The following ETV1 variants were observed in gnomAD, a reference collection of about 807,000 sequenced individuals.
ETV1 encodes ETS variant transcription factor 1, also known as ETS translocation variant 1.
A neutral mutation model predicts 62.3 loss-of-function variants in ETV1; 27 were observed. The ratio of observed to expected loss-of-function variants is 0.43; its 90% CI spans 0.32 to 0.60. ETV1 has a LOEUF of 0.60. Ranked by LOEUF, ETV1 falls within the 20% of genes least tolerant of loss-of-function variation. ETV1 has a pLI of 0.06. For synonymous variants in ETV1, 222 were observed against 199.6 expected (o/e 1.11, Z -0.94); for missense variants, 605 against 605.8 (o/e 1.00, Z 0.01).
At chr7:13,938,015 G>A (rs534879346) in intron 7 of ETV1, among the ~76,000 whole-genome samples, 6 of 152,212 alleles carry the variant, frequency 3.9e-5, no homozygotes, top group Admixed American at 1.3e-4. Flanking sequence ...GCGCGATCTC[G>A]GCTCACAGCA....
chr7:13,978,267 G>T (rs923149838), intron 5 of ETV1, among the ~76,000 whole-genome samples: 1 of 152,118 alleles, frequency 6.6e-6, no homozygotes, highest in South Asian at 2.1e-4. Flanking sequence ...AATGCATTTG[G>T]CAGCAATCAA....
chr7:13,911,143 C>G, intron 10 of ETV1, 96 bp downstream of exon 10: 1 of 832,072 alleles, frequency 1.2e-6, no homozygotes, highest in South Asian at 1.6e-5. Flanking sequence ...ATGATTTTTC[C>G]CAAATAATAT....
At chr7:13,959,124 G>A (rs1002322627) in intron 6 of ETV1, 6 of 149,520 alleles carry the variant, frequency 4.0e-5, no homozygotes, top group South Asian at 2.1e-4. Context: ...TTTTTTAATC[G>A]TTAATACAAT....
Position 13,891,853 on chromosome 7 carries a change from T to C in ETV1, c.*4013A>G, listed in dbSNP as rs1027299349. 4.3e-6 allele frequency: 1 copy of C among 231,584 alleles called. No individual in the cohort carries two copies. The highest frequency in any genetic ancestry group is 8.5e-6 in the Non-Finnish European group (1 of 117,072). 14.3% of individuals were successfully genotyped at this position (231,584 alleles called of 1,614,324 possible). A position where few individuals can be genotyped will look rare whatever the true frequency, so the allele number is the denominator to read the frequency against. ...ACCAAATCGCAAATGGAAAATAGCT[T>C]ACTCACTTCTTATTTTTAAATTTTA... On this transcript the variant is annotated 3_prime_UTR_variant, in exon 14 of 14. Transcript: ENST00000430479.
intron 9 of ETV1, among the ~76,000 whole-genome samples, chr7:13,926,878 A>G (rs1014635479): frequency 7.9e-5 from 12 of 151,982 alleles, no homozygotes; most frequent in Non-Finnish European, 1.6e-4. Context: ...AAAAATTTAT[A>G]CTCTACTAAC....
intron 6 of ETV1, among the ~76,000 whole-genome samples, chr7:13,971,568 T>A (rs1437732252): frequency 1.3e-5 from 2 of 152,158 alleles, no homozygotes; most frequent in African/African-American, 2.4e-5. Flanking sequence ...TTACTGAGTG[T>A]AAGACAAAGC....
chr7:13,910,228 C>CTTTTTT (rs58867942), intron 10 of ETV1, among the ~76,000 whole-genome samples: 51 of 120,242 alleles, frequency 4.2e-4, no homozygotes, highest in African/African-American at 1.4e-3. Flanking sequence ...AAAAGTTTCC[C>CTTTTTT]TTTTTTTTTT....
At chr7:13,957,234 C>T (rs193188654) in intron 6 of ETV1, among the ~76,000 whole-genome samples, 4,630 of 151,940 alleles carry the variant, frequency 0.03, 101 homozygotes, top group Non-Finnish European at 0.037. Context: ...TACAGGCGGC[C>T]GCCACCATGC....
chr7:13,929,520 C>T (rs1259063642), intron 9 of ETV1, among the ~76,000 whole-genome samples: 5 of 152,164 alleles, frequency 3.3e-5, no homozygotes, highest in Non-Finnish European at 7.3e-5. Flanking sequence ...GATCCTGACA[C>T]ACCCCACTTT....
chr7:13,953,200 G>T (rs905050527), intron 6 of ETV1, among the ~76,000 whole-genome samples: 6 of 152,156 alleles, frequency 3.9e-5, no homozygotes, highest in African/African-American at 1.2e-4. Context: ...ACCTGAACAA[G>T]CTGGAGCTAT....
intron 11 of ETV1, chr7:13,907,857 C>G (rs1383222896): frequency 2.1e-6 from 1 of 470,142 alleles, no homozygotes; most frequent in Non-Finnish European, 4.4e-6. Flanking sequence ...TTTGAAAAAC[C>G]TAAACCAAAA....
rs1055145864 is a variant in ETV1, at chr7:13,891,421, T to C, written c.*4445A>G. ...AAAGTAACTAATACTGGAGTCTATA[T>C]GCAAAAAAGACCCTACCTTACATAT... On this transcript the variant is annotated 3_prime_UTR_variant, in exon 14 of 14. Coordinates refer to ENST00000430479, the MANE Select transcript of ETV1 (RefSeq NM_004956.5). 4.3e-6 allele frequency: 1 copy of C among 231,568 alleles called. No homozygotes were observed. The allele number at this position is 231,568 out of a possible 1,614,324, so 14.3% of individuals were successfully genotyped here. A position where few individuals can be genotyped will look rare whatever the true frequency, so the allele number is the denominator to read the frequency against.
intron 11 of ETV1, among the ~76,000 whole-genome samples, chr7:13,908,211 T>G (rs956195685): frequency 3.9e-5 from 6 of 152,148 alleles, no homozygotes; most frequent in Non-Finnish European, 7.4e-5. Flanking sequence ...AATGTTTTAT[T>G]AGTGTAAAAT....
At chr7:13,948,475 C>T (rs1217846272) in intron 6 of ETV1, among the ~76,000 whole-genome samples, 4 of 152,120 alleles carry the variant, frequency 2.6e-5, no homozygotes, top group African/African-American at 9.7e-5. Flanking sequence ...CTGGTCTGTT[C>T]AAAAATCATG....
At chr7:13,909,810 C>T (rs114480913) in intron 10 of ETV1, 110 bp from the exon 11 acceptor site, 42 of 863,006 alleles carry the variant, frequency 4.9e-5, no homozygotes, top group Non-Finnish European at 7.2e-5. Context: ...TCTGCCACCA[C>T]CTTTCAGTTC....
At chr7:13,985,550 A>T (rs1782467122) in intron 5 of ETV1, 1 of 152,508 alleles carries the variant, frequency 6.6e-6, no homozygotes, top group South Asian at 2.1e-4. Context: ...AGTCTGCCTC[A>T]AAGTAGCTAC....
chr7:13,921,050 A>C (rs6974090), intron 9 of ETV1, among the ~76,000 whole-genome samples: 25,676 of 152,168 alleles, frequency 0.17, 2,749 homozygotes, highest in African/African-American at 0.31. Flanking sequence ...TGAGAAAGAG[A>C]TAAGATGTTA....
rs969347029 is a variant in ETV1 at position 13,909,566 on chromosome 7, G to A, written c.940+66C>T. 1.5e-5 allele frequency: 17 copies of A among 1,168,996 alleles called. No individual in the cohort carries two copies. The South Asian group carries it at 2.0e-4, about 14-fold the overall frequency. The allele number at this position is 1,168,996 out of a possible 1,614,324, so 72.4% of individuals were successfully genotyped here. ...TAAGTAGGGATGTCCACTGTTTTCAGAAGAAGCGAAGGTAATCACTCCATC... is the reference window on the plus strand; with the variant it reads ...TAAGTAGGGATGTCCACTGTTTTCAAAAGAAGCGAAGGTAATCACTCCATC... On this transcript the variant is annotated intron_variant, in intron 11 of 13. Coordinates refer to ENST00000430479, the MANE Select transcript of ETV1 (RefSeq NM_004956.5).
chr7:13,905,565 TAGC>T lies in ETV1; in HGVS notation c.1110+862_1110+864del, dbSNP rs537690024. On this transcript the variant is annotated intron_variant, in intron 12 of 13. Coordinates refer to ENST00000430479, the MANE Select transcript of ETV1 (RefSeq NM_004956.5). ...ATGAGTTATGCTACAGGAACAATAG[TAGC>T]CTTAAGCCTAAAGCTAGTTCTGGGA... 9.0e-4 allele frequency among the ~76,000 whole-genome samples: 137 copies of T among 152,244 alleles called. 1 individual carries two copies. Among genetic ancestry groups the T allele is most frequent in the African/African-American group, 3.0e-3 (124 of 41,552 alleles).
Sources: gnomAD v4.1 joint callset for allele counts (sites outside exome capture counted in the v4.1 genomes callset) on GRCh38, gnomAD v4.1.1 for gene constraint, MANE v1.5 for transcripts, NCBI Gene and HGNC (gene_info 2026-07-23, HGNC 2026-07-21) for gene names.